SND1: variants seen among roughly 807,000 people sequenced by gnomAD.
SND1 encodes staphylococcal nuclease domain-containing protein 1.
Under a neutral mutation model 121.7 loss-of-function variants are expected in SND1, and 38 were observed. The ratio of observed to expected loss-of-function variants is 0.31; its 90% CI spans 0.24 to 0.41. SND1 has a LOEUF of 0.41. Ranked by LOEUF, SND1 falls within the 10% of genes least tolerant of loss-of-function variation. SND1 has a pLI of 1.00. For synonymous variants in SND1, 401 were observed against 447.4 expected, an observed-to-expected ratio of 0.90 and a Z score of 1.31; for missense variants, 868 against 1,184.6, an observed-to-expected ratio of 0.73 and a Z score of 3.92.
Position 128,092,022 on chromosome 7 carries a change from A to G in SND1, c.2697A>G (p.Arg899=). The G allele has an allele frequency of 1.2e-6, 2 of 1,613,972 alleles. No homozygotes were observed. Among genetic ancestry groups the G allele is most frequent in the Non-Finnish European group, 1.7e-6 (2 of 1,179,932 alleles). The part of the protein sequence containing the change: ...RLNLWRYGDF[R]ADDADEFGYS... ...ACCTGTGGCGCTATGGAGACTTTCG[A>G]GCTGATGATGCAGACGAATTTGGCT... The change falls in exon 24 of 24, where the codon CGA becomes CGG. Residue 899 remains arginine (R), a synonymous_variant. Coordinates refer to ENST00000354725, the MANE Select transcript of SND1 (RefSeq NM_014390.4). This position sits in a 1 kb window ranked among gnomAD's most constrained non-coding sequence, Gnocchi z 4.9.
intron 2 of SND1, among the ~76,000 whole-genome samples, chr7:127,691,644 G>A (rs576612536): frequency 3.3e-5 from 5 of 151,974 alleles, no homozygotes; most frequent in Non-Finnish European, 5.9e-5. Flanking sequence ...ATGGAGCCTC[G>A]CTTTGTCGCC....
intron 16 of SND1, among the ~76,000 whole-genome samples, chr7:128,045,147 G>A (rs1354060003): frequency 1.3e-5 from 2 of 152,196 alleles, no homozygotes; most frequent in Non-Finnish European, 2.9e-5. Flanking sequence ...CAGATATTTG[G>A]ATCAGAACCA....
chr7:127,668,998 C>G lies in SND1; in HGVS notation c.78+16547C>G, dbSNP rs867413091. 1.4e-4 allele frequency among the ~76,000 whole-genome samples: 21 copies of G among 152,138 alleles called. 1 individual carries two copies. Among genetic ancestry groups the G allele is most frequent in the Admixed American group, 6.5e-5 (1 of 15,276 alleles). On this transcript the variant is annotated intron_variant, in intron 1 of 23. Coordinates refer to ENST00000354725, the MANE Select transcript of SND1 (RefSeq NM_014390.4). ...GTCAGATTCCCTCAGCAGTGCCTCC[C>G]CCTTTTTTTTTTGAGACGGAGTCTT... is the stretch of plus-strand genomic sequence containing the variant.
At chr7:127,884,637 G>A (rs1009402645) in intron 12 of SND1, among the ~76,000 whole-genome samples, 4 of 152,028 alleles carry the variant, frequency 2.6e-5, no homozygotes, top group Admixed American at 2.0e-4. Flanking sequence ...CCTCCATTCT[G>A]CACAGGGGTT....
chr7:127,788,750 T>C (rs1797858426), intron 10 of SND1, among the ~76,000 whole-genome samples: 1 of 152,342 alleles, frequency 6.6e-6, no homozygotes, highest in African/African-American at 2.4e-5. Context: ...GCCCTGATTC[T>C]CCTGGCTCTT....
intron 9 of SND1, chr7:127,718,729 A>T (rs1266810278): frequency 1.0e-6 from 1 of 985,278 alleles, no homozygotes; most frequent in Non-Finnish European, 1.2e-6. Context: ...ACATCCTTAG[A>T]TCTTCATGTT....
intron 12 of SND1, among the ~76,000 whole-genome samples, chr7:127,886,349 G>A (rs942614401): frequency 8.0e-5 from 12 of 150,888 alleles, no homozygotes; most frequent in African/African-American, 2.9e-4. Flanking sequence ...GACGAATAGA[G>A]CCCTTAAATT....
At chr7:127,686,292 G>T (rs1795811589) in intron 1 of SND1, among the ~76,000 whole-genome samples, 2 of 152,310 alleles carry the variant, frequency 1.3e-5, no homozygotes, top group Admixed American at 1.3e-4. Context: ...AATGCAAGGG[G>T]TGGTACTTGC....
intron 10 of SND1, among the ~76,000 whole-genome samples, chr7:127,777,141 G>A (rs1406992703): frequency 6.6e-6 from 1 of 152,160 alleles, no homozygotes; most frequent in African/African-American, 2.4e-5. Flanking sequence ...TTGTTAAGAG[G>A]AAAGGCAAAG....
chr7:127,957,384 G>T (rs1007469650), intron 15 of SND1, among the ~76,000 whole-genome samples: 4 of 152,114 alleles, frequency 2.6e-5, no homozygotes, highest in African/African-American at 7.2e-5. Context: ...ATCGTTGTGG[G>T]GGTGTTTCTG....
intron 1 of SND1, among the ~76,000 whole-genome samples, chr7:127,666,199 GC>G (rs1305765448): frequency 2.0e-5 from 3 of 152,178 alleles, no homozygotes; most frequent in Non-Finnish European, 2.9e-5. Context: ...CTTGTATTCG[GC>G]CCCTGAACCG....
chr7:127,814,913 C>G (rs1798403366), intron 11 of SND1, among the ~76,000 whole-genome samples: 1 of 152,160 alleles, frequency 6.6e-6, no homozygotes, highest in Non-Finnish European at 1.5e-5. Context: ...GCTACATCTT[C>G]ATAATTTGGG....
chr7:127,749,051 T>TG, intron 10 of SND1, among the ~76,000 whole-genome samples: 1 of 148,224 alleles, frequency 6.7e-6, no homozygotes, highest in African/African-American at 2.5e-5. Flanking sequence ...TCGTTTTTTT[T>TG]TTTTTTTTTT....
intron 10 of SND1, among the ~76,000 whole-genome samples, chr7:127,782,408 A>C (rs982897870): frequency 1.3e-5 from 2 of 152,192 alleles, no homozygotes; most frequent in Non-Finnish European, 1.5e-5. Context: ...TGATAAGATA[A>C]CTGGTCTTCA....
chr7:128,008,997 G>A (rs892888059), intron 16 of SND1, among the ~76,000 whole-genome samples: 1 of 152,134 alleles, frequency 6.6e-6, no homozygotes, highest in Non-Finnish European at 1.5e-5. Flanking sequence ...TAGTAAATAT[G>A]GGGAGGTGTC....
chr7:127,697,493 G>A (rs1796027044), intron 3 of SND1, among the ~76,000 whole-genome samples: 1 of 152,128 alleles, frequency 6.6e-6, no homozygotes, highest in Non-Finnish European at 1.5e-5. Flanking sequence ...AGATCTCCTG[G>A]CACTTCACTG....
chr7:127,782,373 C>G (rs541011697), intron 10 of SND1, among the ~76,000 whole-genome samples: 1 of 152,320 alleles, frequency 6.6e-6, no homozygotes, highest in South Asian at 2.1e-4. Context: ...TCACATTGGC[C>G]TGCACTGCCT....
chr7:127,899,372 G>A (rs993639303), intron 13 of SND1, among the ~76,000 whole-genome samples: 2 of 152,012 alleles, frequency 1.3e-5, no homozygotes, highest in Non-Finnish European at 2.9e-5. Flanking sequence ...ACTATTTTAC[G>A]ATTGTAGTGA....
chr7:127,924,537 A>G (rs1203149233), intron 14 of SND1, among the ~76,000 whole-genome samples: 2 of 152,112 alleles, frequency 1.3e-5, no homozygotes, highest in African/African-American at 2.4e-5. Flanking sequence ...CACTTTGCAT[A>G]CATCTAGTGC....
Sources: allele counts gnomAD v4.1 joint callset (sites outside exome capture counted in the v4.1 genomes callset), GRCh38; gene constraint gnomAD v4.1.1; non-coding constraint Gnocchi (gnomAD v3.1); transcripts MANE v1.5; gene names NCBI Gene and HGNC (gene_info 2026-07-23, HGNC 2026-07-21).